Variants in WDR17 observed in about 807,000 individuals in gnomAD.
WDR17 encodes the protein WD repeat-containing protein 17.
In WDR17, 143 loss-of-function variants were observed where a neutral mutation model predicts 161.7. The ratio of observed to expected loss-of-function variants is 0.88; its 90% CI spans 0.77 to 1.02. The LOEUF (loss-of-function observed/expected upper bound fraction) is 1.02, where lower values mean the gene tolerates loss of function less well. Ranked by LOEUF, WDR17 falls within the 50% of genes least tolerant of loss-of-function variation. The probability of loss-of-function intolerance (pLI) is 0.00; values close to 1 mark genes in which losing one functional copy is unlikely to be tolerated. For missense variants in WDR17, 1,469 were observed against 1,520.9 expected (o/e 0.97, Z 0.57); for synonymous variants, 517 against 515.6 (o/e 1.00, Z -0.04).
intron 5 of WDR17, among the ~76,000 whole-genome samples, chr4:176,125,616 C>T (rs1579116963): frequency 6.6e-6 from 1 of 151,952 alleles, no homozygotes; most frequent in Non-Finnish European, 1.5e-5. Context: ...TATGTGCACA[C>T]ATGTGAGCAT....
chr4:176,088,139 T>C (rs1267775427), intron 1 of WDR17, among the ~76,000 whole-genome samples: 1 of 152,064 alleles, frequency 6.6e-6, no homozygotes, highest in African/African-American at 2.4e-5. Context: ...CCACCATCCC[T>C]GGCCTTTATT....
rs188006288 is a variant in WDR17 at position 176,113,590 on chromosome 4, G to A, written c.123+1887G>A. Among the ~76,000 whole-genome samples the A allele has an allele frequency of 7.9e-3, 1,199 of 151,874 alleles. 3 individuals carry two copies. Among genetic ancestry groups the A allele is most frequent in the Non-Finnish European group, 0.012 (833 of 67,834 alleles). On this transcript the variant is annotated intron_variant, in intron 2 of 28. Transcript: ENST00000508596. ...CCAATAGAAAATTACATAATTAAATGGTGACATTAATATGAAATTTATGTT... is the reference window on the plus strand; with the variant it reads ...CCAATAGAAAATTACATAATTAAATAGTGACATTAATATGAAATTTATGTT...
At chr4:176,103,973 A>C (rs1012515989) in intron 1 of WDR17, among the ~76,000 whole-genome samples, 11 of 152,176 alleles carry the variant, frequency 7.2e-5, no homozygotes, top group Non-Finnish European at 1.2e-4. Flanking sequence ...ACACATCATA[A>C]TCAAATCTTG....
chr4:176,107,372 G>A (rs1219699631), intron 1 of WDR17, among the ~76,000 whole-genome samples: 3 of 149,766 alleles, frequency 2.0e-5, no homozygotes, highest in Non-Finnish European at 3.0e-5. Context: ...AAACAGTATG[G>A]TAGTTTTGCA....
chr4:176,088,773 A>G lies in WDR17; in HGVS notation c.-7+22694A>G, dbSNP rs28564636. ...TAATCCATCTTCAGCTTATTTAGAA[A>G]GACTTCTGTTTTCATTCCTGTCCCA... is the stretch of plus-strand genomic sequence containing the variant. On this transcript the variant is annotated intron_variant, in intron 1 of 28. Transcript: ENST00000508596. Among the ~76,000 whole-genome samples the G allele has an allele frequency of 8.1e-3, 1,230 of 152,244 alleles. 29 individuals are homozygous for G. The highest frequency in any genetic ancestry group is 0.027 in the African/African-American group (1,135 of 41,562).
At chr4:176,081,114 T>C (rs1386118415) in intron 1 of WDR17, among the ~76,000 whole-genome samples, 2 of 152,140 alleles carry the variant, frequency 1.3e-5, no homozygotes, top group East Asian at 1.9e-4. Context: ...GTCTTTCTCA[T>C]CTACTTATAC....
intron 18 of WDR17, among the ~76,000 whole-genome samples, chr4:176,159,681 T>A (rs942186403): frequency 6.6e-6 from 1 of 152,226 alleles, no homozygotes; most frequent in Non-Finnish European, 1.5e-5. Context: ...ACACGTACCT[T>A]GTATAAAACA....
chr4:176,142,369 C>A (rs1249844601), intron 11 of WDR17, among the ~76,000 whole-genome samples: 1 of 152,122 alleles, frequency 6.6e-6, no homozygotes, highest in Non-Finnish European at 1.5e-5. Context: ...GCATGTATGG[C>A]TTCTATCATA....
At position 176,163,207 on chromosome 4, in the gene WDR17, G is replaced by A; in HGVS notation, c.2904G>A (p.Val968=). The A allele has an allele frequency of 6.2e-7, 1 of 1,614,044 alleles. No homozygotes were observed. The highest frequency in any genetic ancestry group is 8.5e-7 in the Non-Finnish European group (1 of 1,180,000). Residue 968 remains valine, a synonymous_variant, in exon 22 of 29, where the codon GTG becomes GTA. Transcript: ENST00000508596. ...ATGAACTGGAGTTGGCAGTCTGTGT[G>A]GGCACAGTACTAGGAGAGTCTGCAG... is the stretch of plus-strand genomic sequence containing the variant. The part of the protein sequence containing the change: ...RGNELELAVC[V]GTVLGESAAP...
intron 19 of WDR17, among the ~76,000 whole-genome samples, chr4:176,160,529 C>T (rs1748878118): frequency 6.6e-6 from 1 of 152,088 alleles, no homozygotes; most frequent in Non-Finnish European, 1.5e-5. Context: ...ACCATGTTGG[C>T]CAGGCTGGTC....
rs923903920 is a variant in WDR17, at chr4:176,065,880, G to C, written c.-206G>C. 6.6e-6 allele frequency: 1 copy of C among 152,054 alleles called. No homozygotes were observed. Among genetic ancestry groups the C allele is most frequent in the African/African-American group, 2.4e-5 (1 of 41,400 alleles). 9.4% of individuals were successfully genotyped at this position (152,054 alleles called of 1,614,324 possible). On this transcript the variant is annotated 5_prime_UTR_variant, in exon 1 of 29. Transcript: ENST00000508596. ...GATCGGGCTCGCGGCGCCTTCCATCGTGGCTCCGCGCTGGGGCTTGCGGAG... is the reference window on the plus strand; with the variant it reads ...GATCGGGCTCGCGGCGCCTTCCATCCTGGCTCCGCGCTGGGGCTTGCGGAG...
chr4:176,128,598 C>A, intron 5 of WDR17, 140 bp from the exon 6 acceptor site: 1 of 783,226 alleles, frequency 1.3e-6, no homozygotes, highest in Non-Finnish European at 2.0e-6. Context: ...GGTTGTATTA[C>A]TGTATGGTAT....
intron 1 of WDR17, among the ~76,000 whole-genome samples, chr4:176,081,652 T>G (rs977660023): frequency 2.6e-5 from 4 of 152,172 alleles, no homozygotes; most frequent in African/African-American, 9.6e-5. Flanking sequence ...AGTGTTAGAA[T>G]TGCAGCATCT....
intron 23 of WDR17, among the ~76,000 whole-genome samples, chr4:176,171,782 T>TTA (rs375681403): frequency 6.6e-6 from 1 of 151,648 alleles, no homozygotes; most frequent in Non-Finnish European, 1.5e-5. Context: ...GATTTTTTTT[T>TTA]AATGAGGAAT....
At position 176,177,112 on chromosome 4, in the gene WDR17, T is replaced by A; in HGVS notation, c.3504T>A (p.Ser1168=). 6.2e-7 allele frequency: 1 copy of A among 1,613,858 alleles called. No individual in the cohort carries two copies. Among genetic ancestry groups the A allele is most frequent in the Non-Finnish European group, 8.5e-7 (1 of 1,179,858 alleles). ...TACCTTTAAAAATTGAATATCTTTC[T>A]GAGGAATTGGATGCATGGAGAGCTT... ...VSVPLKIEYL[S]EELDAWRACT... is the part of the protein sequence containing the mutation. The change falls in exon 27 of 29, where the codon TCT becomes TCA. Residue 1168 remains serine (S), a synonymous_variant. Transcript: ENST00000508596.
At chr4:176,107,417 A>G (rs1738920807) in intron 1 of WDR17, among the ~76,000 whole-genome samples, 1 of 148,676 alleles carries the variant, frequency 6.7e-6, no homozygotes, top group African/African-American at 2.5e-5. Context: ...TTGATCTAGT[A>G]TCCCACTTCT....
chr4:176,163,113 G>A, intron 21 of WDR17, 41 bp from the exon 22 acceptor site: 2 of 1,613,574 alleles, frequency 1.2e-6, no homozygotes, highest in Non-Finnish European at 8.5e-7. Context: ...ATCCTACCCA[G>A]CTTCTATGCA....
chr4:176,168,563 T>C, intron 22 of WDR17, 109 bp from the exon 23 acceptor site: 1 of 1,327,702 alleles, frequency 7.5e-7, no homozygotes, highest in South Asian at 1.5e-5. Context: ...TTGTGTAAAT[T>C]AAAAAGCAAG....
intron 23 of WDR17, 48 bp downstream of exon 23, chr4:176,168,831 TTTAA>T: frequency 1.3e-6 from 2 of 1,573,972 alleles, no homozygotes; most frequent in South Asian, 2.4e-5. Context: ...AGTGCTATGA[TTTAA>T]TTAATTGTAG....
Sources: allele counts gnomAD v4.1 joint callset (sites outside exome capture counted in the v4.1 genomes callset), GRCh38; gene constraint gnomAD v4.1.1; transcripts MANE v1.5; gene names NCBI Gene and HGNC (gene_info 2026-07-23, HGNC 2026-07-21).